SNX29: variants seen among roughly 807,000 people sequenced by gnomAD.
The protein encoded by SNX29 is sorting nexin-29.
SNX29 carries 78 observed loss-of-function variants against 102.1 expected under a neutral mutation model. The ratio of observed to expected loss-of-function variants is 0.76; its 90% confidence interval spans 0.64 to 0.92. The LOEUF (loss-of-function observed/expected upper bound fraction) is 0.92, where lower values mean the gene tolerates loss of function less well. Ranked by LOEUF, SNX29 falls within the 40% of genes least tolerant of loss-of-function variation. SNX29 has a pLI of 0.00. For synonymous variants in SNX29, 580 were observed against 414.5 expected, an observed-to-expected ratio of 1.40 and a Z score of -4.85; for missense variants, 1,280 against 1,061.7, an observed-to-expected ratio of 1.21 and a Z score of -2.86.
At position 12,127,899 on chromosome 16, in the gene SNX29, C is replaced by G. The variant is rs557671323; in HGVS notation, c.1466+1203C>G. 8.8e-4 allele frequency among the ~76,000 whole-genome samples: 134 copies of G among 152,240 alleles called. 1 individual carries two copies. Among genetic ancestry groups the G allele is most frequent in the African/African-American group, 3.2e-3 (132 of 41,564 alleles). ...GTCATAGAGGGCTTACCTGCAGTTACCCCCTGAACTTCTGCAAGCATGATT... is the reference window on the plus strand; with the variant it reads ...GTCATAGAGGGCTTACCTGCAGTTAGCCCCTGAACTTCTGCAAGCATGATT... On this transcript the variant is annotated intron_variant, in intron 12 of 20. Transcript: ENST00000566228.
chr16:12,222,955 C>T (rs113724898), intron 14 of SNX29, among the ~76,000 whole-genome samples: 2,542 of 152,298 alleles, frequency 0.017, 70 homozygotes, highest in African/African-American at 0.059. Flanking sequence ...AGTGGCTAAA[C>T]TGAGGCTCAA....
At chr16:12,128,639 G>A (rs2054323025) in intron 12 of SNX29, among the ~76,000 whole-genome samples, 1 of 151,998 alleles carries the variant, frequency 6.6e-6, no homozygotes, top group Admixed American at 6.6e-5. Flanking sequence ...TTTTAGTAGA[G>A]ATAGGGTTTC....
At chr16:11,998,418 G>C (rs2056167333) in intron 1 of SNX29, among the ~76,000 whole-genome samples, 1 of 152,172 alleles carries the variant, frequency 6.6e-6, no homozygotes, top group Admixed American at 6.5e-5. Flanking sequence ...TGTGTCAGTT[G>C]GGAATGCTTT....
chr16:12,563,513 C>A (rs77056874), intron 20 of SNX29, among the ~76,000 whole-genome samples: 1,545 of 152,260 alleles, frequency 0.01, 28 homozygotes, highest in African/African-American at 0.036. Context: ...GACTCCTCCC[C>A]GCATGTGAAA....
intron 18 of SNX29, among the ~76,000 whole-genome samples, chr16:12,460,205 G>A (rs574735836): frequency 3.0e-4 from 46 of 152,312 alleles, no homozygotes; most frequent in African/African-American, 1.1e-3. Flanking sequence ...ACCCAACCAC[G>A]GCTCGCAGCC....
At chr16:12,394,209 T>C (rs1283693745) in intron 16 of SNX29, among the ~76,000 whole-genome samples, 1 of 152,212 alleles carries the variant, frequency 6.6e-6, no homozygotes, top group Non-Finnish European at 1.5e-5. Flanking sequence ...ATTGAGTCCT[T>C]TCAGATTTTC....
chr16:12,160,710 A>G (rs889596757), intron 13 of SNX29, among the ~76,000 whole-genome samples: 1 of 152,222 alleles, frequency 6.6e-6, no homozygotes, highest in South Asian at 2.1e-4. Context: ...GGTGAATTAT[A>G]TCTTAAGGAA....
At chr16:12,329,985 G>A (rs1892431118) in intron 15 of SNX29, among the ~76,000 whole-genome samples, 1 of 152,200 alleles carries the variant, frequency 6.6e-6, no homozygotes, top group African/African-American at 2.4e-5. Flanking sequence ...TGTTGCGTCT[G>A]AGACACTATC....
At chr16:12,461,470 A>G (rs2086772741) in intron 18 of SNX29, among the ~76,000 whole-genome samples, 1 of 152,168 alleles carries the variant, frequency 6.6e-6, no homozygotes, top group Non-Finnish European at 1.5e-5. Context: ...CTTCTCTCCA[A>G]GACAAATGGA....
At chr16:12,540,772 G>T (rs1006524899) in intron 20 of SNX29, among the ~76,000 whole-genome samples, 2 of 152,212 alleles carry the variant, frequency 1.3e-5, no homozygotes, top group African/African-American at 4.8e-5. Flanking sequence ...ACCTCCCCTA[G>T]AGTGTCAGGT....
intron 19 of SNX29, among the ~76,000 whole-genome samples, chr16:12,479,821 C>T (rs1320159315): frequency 6.6e-6 from 1 of 152,138 alleles, no homozygotes; most frequent in Non-Finnish European, 1.5e-5. Flanking sequence ...TTCACGGAAT[C>T]TGCCTGTGTC....
At chr16:12,339,393 A>AAAAAAAAAAAAAAG in intron 15 of SNX29, among the ~76,000 whole-genome samples, 1 of 150,548 alleles carries the variant, frequency 6.6e-6, no homozygotes, top group Non-Finnish European at 1.5e-5. Context: ...AAAAAAAAAA[A>AAAAAAAAAAAAAAG]AGATTATGGG....
At chr16:12,332,148 T>A (rs1333281769) in intron 15 of SNX29, among the ~76,000 whole-genome samples, 1 of 152,178 alleles carries the variant, frequency 6.6e-6, no homozygotes, top group African/African-American at 2.4e-5. Context: ...ATTATTACTA[T>A]TATCCTCATC....
At chr16:12,321,187 C>T (rs951349239) in intron 15 of SNX29, among the ~76,000 whole-genome samples, 7 of 152,114 alleles carry the variant, frequency 4.6e-5, no homozygotes, top group African/African-American at 1.4e-4. Context: ...CAGTCTCACC[C>T]CACCACAGTT....
At position 12,356,149 on chromosome 16, in the gene SNX29, T is replaced by G; in HGVS notation, c.1783-14T>G. 1 of 1,608,952 alleles carries G rather than the reference T, an allele frequency of 6.2e-7. No homozygotes were observed. The highest frequency in any genetic ancestry group is 1.1e-5 in the South Asian group (1 of 89,882). ...TCTGCCTCTAAGCCTCACCTTTCCGTGCTTGTGTTCCAGGTGGCAGAGATG... is the reference window on the plus strand; with the variant it reads ...TCTGCCTCTAAGCCTCACCTTTCCGGGCTTGTGTTCCAGGTGGCAGAGATG... On this transcript the variant is annotated splice_polypyrimidine_tract_variant and intron_variant, in intron 15 of 20. Transcript: ENST00000566228.
intron 20 of SNX29, among the ~76,000 whole-genome samples, chr16:12,543,041 A>C (rs2077414077): frequency 6.6e-6 from 1 of 152,118 alleles, no homozygotes; most frequent in South Asian, 2.1e-4. Context: ...GAGGCTCAAA[A>C]AGTGTCACCA....
chr16:12,476,699 T>A (rs2151816938), intron 18 of SNX29, among the ~76,000 whole-genome samples: 1 of 151,980 alleles, frequency 6.6e-6, no homozygotes, highest in South Asian at 2.1e-4. Context: ...ATTCGCTAAT[T>A]GAAATGTCGT....
chr16:12,568,585 C>T lies in SNX29; in HGVS notation c.2398C>T (p.Pro800Ser), dbSNP rs749062013. 7.5e-6 allele frequency: 12 copies of T among 1,606,644 alleles called. No homozygotes were observed. The highest frequency in any genetic ancestry group is 6.6e-5 in the South Asian group (6 of 91,074). The change falls in exon 21 of 21, where the codon CCC (proline) becomes TCC (serine). Residue 800 changes from proline to serine, a missense_variant. Pro to Ser is a moderately conservative substitution (Grantham distance 74). Transcript: ENST00000566228. ...SRFPKLSRGQ[P>S]RETRNVEPQS... ...CTTCCCCAAACTGTCCCGGGGTCAG[C>T]CCCGGGAGACCCGCAACGTGGAGCC...
Position 12,524,839 on chromosome 16 carries a change from C to T in SNX29, c.2316C>T (p.Phe772=), listed in dbSNP as rs369501793. The change falls in exon 20 of 21, where the codon TTC becomes TTT. Residue 772 remains phenylalanine, a splice_region_variant and synonymous_variant. Transcript: ENST00000566228. ...KETLIQLMPF[F]VDITPPGEPV... Reference sequence around the variant, plus strand: ...CCCTCATCCAGCTGATGCCCTTCTTCGTGTAAGTACTGCTCCCACGGACAT... The same window carrying T: ...CCCTCATCCAGCTGATGCCCTTCTTTGTGTAAGTACTGCTCCCACGGACAT... 2.2e-5 allele frequency: 35 copies of T among 1,612,944 alleles called. No individual in the cohort carries two copies. In the East Asian group the frequency reaches 2.5e-4, roughly 11 times the overall value.
Sources: allele counts gnomAD v4.1 joint callset (sites outside exome capture counted in the v4.1 genomes callset), GRCh38; gene constraint gnomAD v4.1.1; transcripts MANE v1.5; gene names NCBI Gene and HGNC (gene_info 2026-07-23, HGNC 2026-07-21).